The following RIN2 variants were observed in gnomAD, a reference collection of about 807,000 sequenced individuals.
RIN2 encodes Ras and Rab interactor 2, also known as RAB5 interacting protein 2.
Under a neutral mutation model 78.0 loss-of-function variants are expected in RIN2, and 36 were observed. The ratio of observed to expected loss-of-function variants is 0.46; its 90% CI spans 0.35 to 0.61. The LOEUF (loss-of-function observed/expected upper bound fraction) is 0.61. RIN2 is among the 20% of genes least tolerant of loss of function. The pLI, the probability that RIN2 is intolerant of heterozygous loss-of-function variation, is 0.00. For synonymous variants in RIN2, 466 were observed against 466.8 expected (o/e 1.00, Z 0.02); for missense variants, 1,087 against 1,159.7 (o/e 0.94, Z 0.91).
rs112887125 is a variant in RIN2, at chr20:19,823,721, G to T, written c.-37+23974G>T. 1.5e-3 allele frequency: 2,373 copies of T among 1,588,740 alleles called. 27 individuals are homozygous for T. The African/African-American group carries it at 0.027, about 18-fold the overall frequency. ...TTGATGATCATGGCAGAGGCAGAAGGCACCACCTCAATCTGGGCCTGTCTG... is the reference window on the plus strand; with the variant it reads ...TTGATGATCATGGCAGAGGCAGAAGTCACCACCTCAATCTGGGCCTGTCTG... On this transcript the variant is annotated intron_variant, in intron 2 of 12. Transcript: ENST00000255006.
intron 1 of RIN2, among the ~76,000 whole-genome samples, chr20:19,783,732 G>A (rs1440178188): frequency 6.6e-6 from 1 of 152,198 alleles, no homozygotes; most frequent in Non-Finnish European, 1.5e-5. Flanking sequence ...GACAGCTAGA[G>A]CTTACCCCTG....
intron 7 of RIN2, among the ~76,000 whole-genome samples, chr20:19,969,066 GA>G: frequency 6.6e-6 from 1 of 152,214 alleles, no homozygotes; most frequent in East Asian, 1.9e-4. Context: ...TACATTAGCA[GA>G]GTACTACGGT....
intron 4 of RIN2, among the ~76,000 whole-genome samples, chr20:19,936,767 T>C (rs547362021): frequency 1.3e-5 from 2 of 152,228 alleles, no homozygotes; most frequent in Non-Finnish European, 2.9e-5. Flanking sequence ...AGAATAACTG[T>C]AAGCAGTCCA....
chr20:19,855,083 G>C (rs1416312106), intron 2 of RIN2, among the ~76,000 whole-genome samples: 1 of 152,026 alleles, frequency 6.6e-6, no homozygotes. Flanking sequence ...GAGAGTTTTT[G>C]GCATGAAGGG....
At chr20:19,849,883 T>C (rs984744995) in intron 2 of RIN2, among the ~76,000 whole-genome samples, 5 of 152,210 alleles carry the variant, frequency 3.3e-5, no homozygotes, top group African/African-American at 1.2e-4. Context: ...GTTTAATAGA[T>C]GAGGCTAGAG....
intron 2 of RIN2, among the ~76,000 whole-genome samples, chr20:19,887,863 G>C (rs565188220): frequency 6.6e-6 from 1 of 152,154 alleles, no homozygotes; most frequent in Non-Finnish European, 1.5e-5. Context: ...CATTAGGCCT[G>C]GTTTAAAACA....
chr20:19,976,003 A>G (rs2042268600), intron 9 of RIN2, among the ~76,000 whole-genome samples: 1 of 152,154 alleles, frequency 6.6e-6, no homozygotes, highest in African/African-American at 2.4e-5. Context: ...GGAGCTGCAC[A>G]GTGATTCTGT....
chr20:19,872,323 G>C (rs1003633413), intron 2 of RIN2: 1 of 152,154 alleles, frequency 6.6e-6, no homozygotes, highest in East Asian at 1.9e-4. Context: ...TGTGAGAATG[G>C]ACTAATACCA....
At chr20:19,851,148 T>A (rs556085282) in intron 2 of RIN2, among the ~76,000 whole-genome samples, 4 of 152,106 alleles carry the variant, frequency 2.6e-5, no homozygotes, top group Non-Finnish European at 5.9e-5. Context: ...ACCTGCAGTC[T>A]GACACTGATC....
chr20:19,858,783 A>T (rs548311126), intron 2 of RIN2, among the ~76,000 whole-genome samples: 2 of 152,278 alleles, frequency 1.3e-5, no homozygotes, highest in South Asian at 2.1e-4. Context: ...CCATGATCTC[A>T]TCTGTCTTCC....
intron 1 of RIN2, among the ~76,000 whole-genome samples, chr20:19,787,564 T>C (rs538463540): frequency 6.6e-6 from 1 of 151,408 alleles, no homozygotes; most frequent in Non-Finnish European, 1.5e-5. Flanking sequence ...CCTGGCTCCC[T>C]CACTTACTGG....
intron 6 of RIN2, 79 bp from the exon 7 acceptor site, chr20:19,964,873 C>T: frequency 8.3e-7 from 1 of 1,198,416 alleles, no homozygotes; most frequent in Non-Finnish European, 1.2e-6. Context: ...GATGGTCCCA[C>T]ACACATGGTG....
chr20:19,906,015 C>T (rs934150048), intron 3 of RIN2, among the ~76,000 whole-genome samples: 7 of 140,822 alleles, frequency 5.0e-5, no homozygotes, highest in African/African-American at 1.8e-4. Flanking sequence ...CAAACAAACA[C>T]ATGCCAGGGC....
Position 19,969,725 on chromosome 20 carries a change from T to A in RIN2, c.537-1113T>A, listed in dbSNP as rs149436454. Among the ~76,000 whole-genome samples the A allele has an allele frequency of 2.8e-3, 432 of 152,302 alleles. 2 individuals are homozygous for A. The highest frequency in any genetic ancestry group is 9.9e-3 in the African/African-American group (411 of 41,556). The stretch of plus-strand genomic sequence containing the variant: ...CATAAACATCTGTGGAACAAATGAA[T>A]GAATAATTATTTCTTTGTAAGACTA... On this transcript the variant is annotated intron_variant, in intron 7 of 12. Coordinates refer to ENST00000255006, the MANE Select transcript of RIN2 (RefSeq NM_018993.4).
In RIN2 at chr20:19,990,175, G is replaced by T; in HGVS notation, c.1932G>T (p.Pro644=). ...RNPQELGVFA[P]TPDFVDVEKI... ...CGCAGGAGCTGGGGGTCTTCGCCCC[G>T]ACCCCTGATTTTGTGGATGTGGAGA... Residue 644 remains proline (P), a synonymous_variant, in exon 10 of 13, where the codon CCG becomes CCT. Transcript: ENST00000255006. 1.2e-6 allele frequency: 2 copies of T among 1,606,020 alleles called. No individual in the cohort carries two copies. Among genetic ancestry groups the T allele is most frequent in the Non-Finnish European group, 1.7e-6 (2 of 1,176,464 alleles).
chr20:19,931,205 A>C (rs903530591), intron 3 of RIN2, among the ~76,000 whole-genome samples: 1 of 152,218 alleles, frequency 6.6e-6, no homozygotes. Flanking sequence ...AACCCCATAC[A>C]TATTAGGATA....
chr20:19,814,445 T>C (rs73275026), intron 2 of RIN2, among the ~76,000 whole-genome samples: 2,948 of 143,738 alleles, frequency 0.021, 88 homozygotes, highest in African/African-American at 0.068. Context: ...CCTTCCAAAA[T>C]GAGATGACAT....
chr20:19,940,617 T>TCTGCTCTCTCCCAGTGTGGTTTC (rs2040830880), intron 4 of RIN2, among the ~76,000 whole-genome samples: 1 of 152,254 alleles, frequency 6.6e-6, no homozygotes. Context: ...CTCCTGGTTT[T>TCTGCTCTCTCCCAGTGTGGTTTC]CTGCTCTCTC....
At chr20:19,827,714 T>C (rs914792573) in intron 2 of RIN2, among the ~76,000 whole-genome samples, 3 of 152,138 alleles carry the variant, frequency 2.0e-5, no homozygotes, top group Non-Finnish European at 4.4e-5. Flanking sequence ...TTAATGCTGG[T>C]CTCCTCTTCC....
Sources: allele counts gnomAD v4.1 joint callset (sites outside exome capture counted in the v4.1 genomes callset), GRCh38; gene constraint gnomAD v4.1.1; transcripts MANE v1.5; gene names NCBI Gene and HGNC (gene_info 2026-07-23, HGNC 2026-07-21).